The following MAN1A1 variants were observed in gnomAD, a reference collection of about 807,000 sequenced individuals.
MAN1A1 encodes the protein mannosyl-oligosaccharide 1,2-alpha-mannosidase IA.
A neutral mutation model predicts 70.8 loss-of-function variants in MAN1A1; 29 were observed. That is an observed-to-expected ratio of 0.41 (90% CI 0.31 to 0.56). MAN1A1 has a LOEUF of 0.56. Among genes scored for constraint, MAN1A1 ranks in the 20% least tolerant of loss-of-function variants. The pLI, the probability that MAN1A1 is intolerant of heterozygous loss-of-function variation, is 0.29. For missense variants in MAN1A1, 747 were observed against 841.3 expected (o/e 0.89, Z 1.39); for synonymous variants, 349 against 330.1 (o/e 1.06, Z -0.62).
rs1397437749 is a variant in MAN1A1 at position 119,301,869 on chromosome 6, A to C, written c.816+119T>G. On this transcript the variant is annotated intron_variant, in intron 4 of 12. Transcript: ENST00000368468. ...AGTATAAGATAATAGTATTTGTACT[A>C]CCTAAAGTTGCAATATTTTTGTTAG... The C allele has an allele frequency of 6.6e-5, 40 of 610,002 alleles. No individual in the cohort carries two copies. The East Asian group carries it at 8.6e-4, about 13-fold the overall frequency. The allele number at this position is 610,002 out of a possible 1,614,324, so 37.8% of individuals were successfully genotyped here.
chr6:119,289,848 GT>G (rs1485653553), intron 5 of MAN1A1, among the ~76,000 whole-genome samples: 1 of 151,916 alleles, frequency 6.6e-6, no homozygotes. Context: ...TGAAATACTG[GT>G]TTGGGTAAGA....
chr6:119,229,598 A>G (rs1382355427), intron 6 of MAN1A1, among the ~76,000 whole-genome samples: 3 of 152,204 alleles, frequency 2.0e-5, no homozygotes, highest in Non-Finnish European at 4.4e-5. Flanking sequence ...ACTGAAAATC[A>G]ATGGCATCCA....
Position 119,348,534 on chromosome 6 carries a change from G to A in MAN1A1, c.532C>T (p.Pro178Ser). Reference protein sequence around the residue: ...FRGLPPVDFVPPIGVESREPA... With the variant: ...FRGLPPVDFVSPIGVESREPA... ...TCCCGGCTCTCCACCCCGATTGGGG[G>A]CACGAAGTCCACCGGGGGCAGGCCT... The change falls in exon 2 of 13, where the codon CCC (proline) becomes TCC (serine). Residue 178 changes from proline (P) to serine (S), a missense_variant. Around this residue, in one of 2 missense-constraint regions of MAN1A1, gnomAD observed 328 missense variants for 293.1 expected, o/e 1.12. Coordinates refer to ENST00000368468, the MANE Select transcript of MAN1A1 (RefSeq NM_005907.4). 6.2e-7 allele frequency: 1 copy of A among 1,612,826 alleles called. No homozygotes were observed. The highest frequency in any genetic ancestry group is 8.5e-7 in the Non-Finnish European group (1 of 1,179,474).
At chr6:119,205,443 A>G (rs1773833895) in intron 6 of MAN1A1, among the ~76,000 whole-genome samples, 1 of 152,198 alleles carries the variant, frequency 6.6e-6, no homozygotes, top group Non-Finnish European at 1.5e-5. Context: ...TTCTAAGCAT[A>G]TTACCTAAGG....
chr6:119,201,154 TA>T, intron 8 of MAN1A1, 99 bp downstream of exon 8: 1 of 868,986 alleles, frequency 1.2e-6, no homozygotes, highest in Non-Finnish European at 1.9e-6. Context: ...TCTCCTTTTC[TA>T]AACATTTCTC....
At chr6:119,236,176 T>G (rs2114294522) in intron 6 of MAN1A1, among the ~76,000 whole-genome samples, 1 of 150,304 alleles carries the variant, frequency 6.7e-6, no homozygotes, top group South Asian at 2.1e-4. Flanking sequence ...CTGTTCTGCC[T>G]GTGCTCTATA....
chr6:119,180,821 A>AT (rs1773134014), intron 11 of MAN1A1, among the ~76,000 whole-genome samples: 1 of 152,090 alleles, frequency 6.6e-6, no homozygotes, highest in Non-Finnish European at 1.5e-5. Flanking sequence ...GTCAAAATTT[A>AT]TTTTTTACAA....
intron 5 of MAN1A1, among the ~76,000 whole-genome samples, chr6:119,284,232 AT>A (rs1286127095): frequency 6.6e-6 from 1 of 152,156 alleles, no homozygotes; most frequent in African/African-American, 2.4e-5. Flanking sequence ...CCAAATAGTG[AT>A]TGTGATCTGG....
At chr6:119,283,292 C>A (rs984409932) in intron 5 of MAN1A1, among the ~76,000 whole-genome samples, 1 of 152,150 alleles carries the variant, frequency 6.6e-6, no homozygotes, top group African/African-American at 2.4e-5. Context: ...GAAGAATTTT[C>A]TGTTGCAGTT....
rs1772411165 is a variant in MAN1A1 at position 119,302,217 on chromosome 6, T to C, written c.701-114A>G. ...TGCTGGATTTATTAATAAGCAATAATATTAAACATAGTCTAAAATTCTTTC... is the reference window on the plus strand; with the variant it reads ...TGCTGGATTTATTAATAAGCAATAACATTAAACATAGTCTAAAATTCTTTC... On this transcript the variant is annotated intron_variant, in intron 3 of 12. Transcript: ENST00000368468. 7.3e-6 allele frequency: 4 copies of C among 544,586 alleles called. No individual in the cohort carries two copies. The Admixed American group carries it at 1.3e-4, about 17-fold the overall frequency. The allele number at this position is 544,586 out of a possible 1,614,324, so 33.7% of individuals were successfully genotyped here.
intron 2 of MAN1A1, among the ~76,000 whole-genome samples, chr6:119,342,655 G>GC (rs908844515): frequency 2.0e-5 from 3 of 152,222 alleles, no homozygotes; most frequent in Non-Finnish European, 4.4e-5. Context: ...TCAGAGACAG[G>GC]TAAGTGCATC....
At chr6:119,332,115 T>C (rs2114494907) in intron 2 of MAN1A1, 1 of 327,734 alleles carries the variant, frequency 3.1e-6, no homozygotes, top group Non-Finnish European at 6.1e-6. Flanking sequence ...GTGAGCATAG[T>C]ATCTAATAGG....
At chr6:119,264,550 T>C (rs1020018687) in intron 5 of MAN1A1, among the ~76,000 whole-genome samples, 1 of 152,224 alleles carries the variant, frequency 6.6e-6, no homozygotes, top group Non-Finnish European at 1.5e-5. Context: ...ACAAATGGCA[T>C]GCCATCACTG....
chr6:119,269,236 A>C, intron 5 of MAN1A1: 1 of 267,396 alleles, frequency 3.7e-6, no homozygotes, highest in Non-Finnish European at 7.3e-6. Flanking sequence ...TTTTCTTCCA[A>C]TAGCAGATAT....
chr6:119,335,479 C>G (rs1269637948), intron 2 of MAN1A1, among the ~76,000 whole-genome samples: 1 of 152,178 alleles, frequency 6.6e-6, no homozygotes, highest in Non-Finnish European at 1.5e-5. Context: ...TATACTTAAT[C>G]TGGGTTACAT....
At chr6:119,264,793 C>T (rs1458393803) in intron 5 of MAN1A1, among the ~76,000 whole-genome samples, 1 of 152,116 alleles carries the variant, frequency 6.6e-6, no homozygotes, top group Non-Finnish European at 1.5e-5. Context: ...TGCAAATTGG[C>T]ATACAATAGT....
At chr6:119,292,673 A>G (rs1291600068) in intron 4 of MAN1A1, among the ~76,000 whole-genome samples, 1 of 152,104 alleles carries the variant, frequency 6.6e-6, no homozygotes, top group East Asian at 1.9e-4. Context: ...AATTATGAAA[A>G]CAAGTTAGGA....
At chr6:119,180,538 G>C (rs569711825) in intron 11 of MAN1A1, 111 bp from the exon 12 acceptor site, 2 of 594,456 alleles carry the variant, frequency 3.4e-6, no homozygotes, top group South Asian at 2.0e-5. Context: ...TTTTGAGACA[G>C]GGCCTCACTC....
chr6:119,237,017 A>C (rs1774864502), intron 6 of MAN1A1, among the ~76,000 whole-genome samples: 1 of 152,206 alleles, frequency 6.6e-6, no homozygotes, highest in African/African-American at 2.4e-5. Flanking sequence ...GATGTGGTAA[A>C]ATAGCAAGAG....
Sources: gnomAD v4.1 joint callset for allele counts (sites outside exome capture counted in the v4.1 genomes callset) on GRCh38, gnomAD v4.1.1 for gene constraint, gnomAD v4.1.1 regional missense constraint, MANE v1.5 for transcripts, NCBI Gene and HGNC (gene_info 2026-07-23, HGNC 2026-07-21) for gene names.